The following EFCAB6 variants were observed in gnomAD, a reference collection of about 807,000 sequenced individuals.
EFCAB6 encodes EF-hand calcium binding domain 6.
EFCAB6 carries 156 observed loss-of-function variants against 169.8 expected under a neutral mutation model. The observed-to-expected ratio is 0.92, with a 90% CI of 0.81 to 1.05. The LOEUF (loss-of-function observed/expected upper bound fraction) is 1.05. Among genes scored for constraint, EFCAB6 ranks in the 50% least tolerant of loss-of-function variants. The probability of loss-of-function intolerance (pLI) is 0.00; values close to 1 mark genes in which losing one functional copy is unlikely to be tolerated. For missense variants in EFCAB6, 1,800 were observed against 1,829.1 expected (o/e 0.98, Z 0.29); for synonymous variants, 698 against 676.4 (o/e 1.03, Z -0.50).
intron 26 of EFCAB6, among the ~76,000 whole-genome samples, chr22:43,559,712 G>A (rs1004942611): frequency 2.6e-5 from 4 of 152,198 alleles, no homozygotes; most frequent in South Asian, 2.1e-4. Flanking sequence ...GTCCTTTGCA[G>A]GGATATGGAT....
intron 2 of EFCAB6, among the ~76,000 whole-genome samples, chr22:43,790,505 T>C (rs573162817): frequency 3.3e-5 from 5 of 152,186 alleles, no homozygotes; most frequent in Admixed American, 3.3e-4. Flanking sequence ...CGGAGACCAG[T>C]GGAGCAGAGA....
intron 18 of EFCAB6, 28 bp from the exon 19 acceptor site, chr22:43,632,266 C>T (rs1225908326): frequency 1.9e-6 from 3 of 1,573,668 alleles, no homozygotes; most frequent in African/African-American, 2.8e-5. Context: ...ATCGGGGTTT[C>T]CATTAGTGCC....
intron 6 of EFCAB6, among the ~76,000 whole-genome samples, chr22:43,753,176 C>A (rs2060832472): frequency 2.0e-5 from 3 of 152,180 alleles, no homozygotes; most frequent in Admixed American, 1.3e-4. Flanking sequence ...TCCATAAATC[C>A]CTCTGGCTCC....
At position 43,576,295 on chromosome 22, in the gene EFCAB6, A is replaced by C; in HGVS notation, c.3420+2T>G. ...ATGCTTATGTGCTGCAGACATTCTT[A>C]CCTCCTCAAGGAAACAGCTAAAGTT... On this transcript the variant is annotated splice_donor_variant, in intron 26 of 31. Transcript: ENST00000262726. LOFTEE classifies it high-confidence loss of function. 1.3e-6 allele frequency: 2 copies of C among 1,574,916 alleles called. No homozygotes were observed. The highest frequency in any genetic ancestry group is 1.8e-4 in the Middle Eastern group (1 of 5,512).
chr22:43,715,553 G>C (rs73174338), intron 9 of EFCAB6, among the ~76,000 whole-genome samples: 7,420 of 152,176 alleles, frequency 0.049, 208 homozygotes, highest in African/African-American at 0.055. Context: ...TTTTAAAAAG[G>C]AGTATGATCC....
Position 43,542,118 on chromosome 22 carries a change from C to G in EFCAB6, c.3649-1761G>C, listed in dbSNP as rs116708471. Among the ~76,000 whole-genome samples the G allele has an allele frequency of 3.6e-3, 542 of 152,342 alleles. 3 individuals are homozygous for G. Among genetic ancestry groups the G allele is most frequent in the African/African-American group, 0.013 (523 of 41,588 alleles). ...CCTCCTGTTTGAGCTGGACTCGGAGCTGAGGAGGCAGAAGATCATGCCGTG... is the reference window on the plus strand; with the variant it reads ...CCTCCTGTTTGAGCTGGACTCGGAGGTGAGGAGGCAGAAGATCATGCCGTG... On this transcript the variant is annotated intron_variant, in intron 27 of 31. Transcript: ENST00000262726.
At chr22:43,620,603 C>T (rs1236607877) in intron 20 of EFCAB6, among the ~76,000 whole-genome samples, 1 of 152,126 alleles carries the variant, frequency 6.6e-6, no homozygotes, top group Non-Finnish European at 1.5e-5. Flanking sequence ...GGAAGTTCTT[C>T]AGGGGAAGAA....
At chr22:43,700,633 A>T (rs1056772031) in intron 10 of EFCAB6, among the ~76,000 whole-genome samples, 1 of 152,072 alleles carries the variant, frequency 6.6e-6, no homozygotes, top group African/African-American at 2.4e-5. Context: ...ACCTTCCCTC[A>T]CTTCCAACCC....
chr22:43,750,438 G>T (rs769798914), intron 6 of EFCAB6, among the ~76,000 whole-genome samples: 26 of 152,166 alleles, frequency 1.7e-4, no homozygotes, highest in Non-Finnish European at 3.4e-4. Context: ...CAGTGTCTCA[G>T]ATACAATCTG....
At chr22:43,758,296 T>C (rs1230774680) in intron 5 of EFCAB6, among the ~76,000 whole-genome samples, 1 of 152,206 alleles carries the variant, frequency 6.6e-6, no homozygotes, top group African/African-American at 2.4e-5. Context: ...TTGTGTTCTC[T>C]ATTTGTAGTA....
intron 17 of EFCAB6, among the ~76,000 whole-genome samples, chr22:43,666,870 T>C (rs1203240692): frequency 6.6e-6 from 1 of 151,976 alleles, no homozygotes; most frequent in Non-Finnish European, 1.5e-5. Flanking sequence ...ATGCTTCTGA[T>C]ATGTAAAAGC....
chr22:43,679,169 C>T (rs2057901241), intron 12 of EFCAB6, among the ~76,000 whole-genome samples: 1 of 152,208 alleles, frequency 6.6e-6, no homozygotes, highest in Non-Finnish European at 1.5e-5. Flanking sequence ...TTTCTTGCCC[C>T]AGCCTAAGGC....
chr22:43,776,106 A>C (rs1000252269), intron 3 of EFCAB6, among the ~76,000 whole-genome samples: 2 of 152,274 alleles, frequency 1.3e-5, no homozygotes, highest in Non-Finnish European at 2.9e-5. Context: ...GAATGAGTTC[A>C]GCCTGGGATA....
chr22:43,780,695 A>G (rs1246559388), intron 3 of EFCAB6, among the ~76,000 whole-genome samples: 1 of 151,564 alleles, frequency 6.6e-6, no homozygotes, highest in African/African-American at 2.4e-5. Flanking sequence ...CCTAATATCC[A>G]CTCTCCTCTT....
chr22:43,798,029 A>G (rs2062573590), intron 2 of EFCAB6, among the ~76,000 whole-genome samples: 1 of 152,168 alleles, frequency 6.6e-6, no homozygotes, highest in Non-Finnish European at 1.5e-5. Flanking sequence ...AGCCTGTTAG[A>G]AACAGATTGC....
chr22:43,558,753 A>G (rs2048855546), intron 26 of EFCAB6, among the ~76,000 whole-genome samples: 1 of 152,024 alleles, frequency 6.6e-6, no homozygotes, highest in African/African-American at 2.4e-5. Flanking sequence ...AAGTATTTTT[A>G]TTAAGCTATG....
chr22:43,762,597 GTC>G (rs1456047475), intron 5 of EFCAB6, among the ~76,000 whole-genome samples: 2 of 152,180 alleles, frequency 1.3e-5, no homozygotes, highest in African/African-American at 4.8e-5. Flanking sequence ...AGAAAAAGAA[GTC>G]TCTGTTCGCT....
At chr22:43,543,444 T>G (rs2047865242) in intron 27 of EFCAB6, among the ~76,000 whole-genome samples, 1 of 152,016 alleles carries the variant, frequency 6.6e-6, no homozygotes, top group African/African-American at 2.4e-5. Context: ...GACCCCCCGA[T>G]AGGATGCAGA....
rs763679512 is a variant in EFCAB6, at chr22:43,554,893, G to A, written c.3624C>T (p.Arg1208=). 4.0e-5 allele frequency: 64 copies of A among 1,614,058 alleles called. No individual in the cohort carries two copies. Among genetic ancestry groups the A allele is most frequent in the Non-Finnish European group, 4.7e-5 (56 of 1,180,038 alleles). The change falls in exon 27 of 32, where the codon CGC becomes CGT. Residue 1208 remains arginine, a synonymous_variant. Coordinates refer to ENST00000262726, the MANE Select transcript of EFCAB6 (RefSeq NM_022785.4). ...REEFRAICNR[R]VQILTDEQFD... ...CCTGTTCGTCCGTCAGGATTTGGAC[G>A]CGGCGATTACAAATGGCCCTAAACT...
Sources: allele counts gnomAD v4.1 joint callset (sites outside exome capture counted in the v4.1 genomes callset), GRCh38; gene constraint gnomAD v4.1.1; transcripts MANE v1.5; gene names NCBI Gene and HGNC (gene_info 2026-07-23, HGNC 2026-07-21).